Variants in MYRF observed in about 807,000 individuals in gnomAD.
The protein encoded by MYRF is myelin gene regulatory factor.
Under a neutral mutation model 126.3 loss-of-function variants are expected in MYRF, and 16 were observed. The ratio of observed to expected loss-of-function variants is 0.13; its 90% CI spans 0.09 to 0.19. The LOEUF is 0.19. Among genes scored for constraint, MYRF ranks in the 10% least tolerant of loss-of-function variants. MYRF has a pLI of 1.00. For synonymous variants in MYRF, 608 were observed against 635.3 expected, an observed-to-expected ratio of 0.96 and a Z score of 0.65; for missense variants, 1,104 against 1,547.0, an observed-to-expected ratio of 0.71 and a Z score of 4.80.
chr11:61,783,824 G>A lies in MYRF; in HGVS notation c.3120-27G>A. 1.3e-6 allele frequency: 2 copies of A among 1,573,924 alleles called. No homozygotes were observed. Among genetic ancestry groups the A allele is most frequent in the Non-Finnish European group, 1.7e-6 (2 of 1,158,704 alleles). Reference sequence around the variant, plus strand: ...GTGGGGGGTGGCAGGGTACCCTCAGGCTAAGGTGCCAGTTTTGCCCCTGCA... The same window carrying A: ...GTGGGGGGTGGCAGGGTACCCTCAGACTAAGGTGCCAGTTTTGCCCCTGCA... On this transcript the variant is annotated intron_variant, in intron 23 of 26. Coordinates refer to ENST00000278836, the MANE Select transcript of MYRF (RefSeq NM_001127392.3). The surrounding 1 kb of genome is among the most constrained non-coding windows in gnomAD (Gnocchi z 4.6).
chr11:61,782,354 G>A (rs2066575331), intron 22 of MYRF: 1 of 152,868 alleles, frequency 6.5e-6, no homozygotes, highest in African/African-American at 2.4e-5. Context: ...CAACCAGGCA[G>A]CTCTGCTCTC....
chr11:61,752,738 GCGGGA>G lies in MYRF; in HGVS notation c.-5_-1del. On this transcript the variant is annotated 5_prime_UTR_variant, in exon 1 of 27. Coordinates refer to ENST00000278836, the MANE Select transcript of MYRF (RefSeq NM_001127392.3). ...CGCGGCTGGAGTGTGCGCCGGGCAGGCGGGACATGGAGGTGGTGGACGAGACGGAG... is the reference window on the plus strand; with the variant it reads ...CGCGGCTGGAGTGTGCGCCGGGCAGGCATGGAGGTGGTGGACGAGACGGAG... 2 of 1,460,352 alleles carry G rather than the reference GCGGGA, an allele frequency of 1.4e-6. No homozygotes were observed. Among genetic ancestry groups the G allele is most frequent in the Non-Finnish European group, 1.8e-6 (2 of 1,110,896 alleles). 90.5% of individuals were successfully genotyped at this position (1,460,352 alleles called of 1,614,324 possible).
chr11:61,772,074 A>G, intron 7 of MYRF, 122 bp downstream of exon 7: 1 of 1,399,506 alleles, frequency 7.1e-7, no homozygotes, highest in Non-Finnish European at 9.6e-7. Context: ...AAGAGCAAAC[A>G]GGCTCAGGGA....
chr11:61,758,238 C>A (rs2065811731), intron 1 of MYRF, among the ~76,000 whole-genome samples: 1 of 152,132 alleles, frequency 6.6e-6, no homozygotes, highest in Admixed American at 6.5e-5. Flanking sequence ...CTCCAGCTGA[C>A]CGGGGTCCGT....
intron 3 of MYRF, 76 bp from the exon 4 acceptor site, chr11:61,769,184 C>T: frequency 1.2e-6 from 1 of 852,490 alleles, no homozygotes; most frequent in Non-Finnish European, 1.9e-6. Flanking sequence ...GGGACCCTAC[C>T]ACGCAGAGAA....
In MYRF at chr11:61,786,690, G is replaced by A. The variant is rs73487455; in HGVS notation, c.*547G>A. 1.9e-5 allele frequency: 3 copies of A among 154,288 alleles called. No individual in the cohort carries two copies. The highest frequency in any genetic ancestry group is 7.2e-5 in the African/African-American group (3 of 41,442). 9.6% of individuals were successfully genotyped at this position (154,288 alleles called of 1,614,324 possible). A position where few individuals can be genotyped will look rare whatever the true frequency, so the allele number is the denominator to read the frequency against. ...GATGGCTTGGTAGTGGACTTTCTGGGGTTTGCCTGTTACGCCAGACTCGGA... is the reference window on the plus strand; with the variant it reads ...GATGGCTTGGTAGTGGACTTTCTGGAGTTTGCCTGTTACGCCAGACTCGGA... On this transcript the variant is annotated 3_prime_UTR_variant, in exon 27 of 27. Coordinates refer to ENST00000278836, the MANE Select transcript of MYRF (RefSeq NM_001127392.3). The surrounding 1 kb of genome is among the most constrained non-coding windows in gnomAD (Gnocchi z 4.5).
In MYRF at chr11:61,776,674, C is replaced by T. The variant is rs1484638114; in HGVS notation, c.1500-113C>T. On this transcript the variant is annotated intron_variant, in intron 10 of 26. Coordinates refer to ENST00000278836, the MANE Select transcript of MYRF (RefSeq NM_001127392.3). The surrounding 1 kb of genome is among the most constrained non-coding windows in gnomAD (Gnocchi z 4.3). ...GAATTTCTGCCCCCTGGTGGAGGCTCGGGTTCCTCCTCTGTAGGAGGGGGT... is the reference window on the plus strand; with the variant it reads ...GAATTTCTGCCCCCTGGTGGAGGCTTGGGTTCCTCCTCTGTAGGAGGGGGT... 14 of 900,674 alleles carry T rather than the reference C, an allele frequency of 1.6e-5. No individual in the cohort carries two copies. In the East Asian group the frequency reaches 1.9e-4, roughly 12 times the overall value. The allele number at this position is 900,674 out of a possible 1,614,324, so 55.8% of individuals were successfully genotyped here.
intron 25 of MYRF, 174 bp from the exon 26 acceptor site, chr11:61,785,626 G>T: frequency 1.6e-6 from 1 of 625,040 alleles, no homozygotes; most frequent in Non-Finnish European, 2.9e-6. Context: ...TGGAGTAGCT[G>T]CCATTGCTCC....
At position 61,778,691 on chromosome 11, in the gene MYRF, C is replaced by A; in HGVS notation, c.2013+202C>A. 1 of 662,768 alleles carries A rather than the reference C, an allele frequency of 1.5e-6. No individual in the cohort carries two copies. Among genetic ancestry groups the A allele is most frequent in the East Asian group, 2.9e-5 (1 of 34,446 alleles). The allele number at this position is 662,768 out of a possible 1,614,324, so 41.1% of individuals were successfully genotyped here. ...GAGATGAGTGGGTAGGGATTTGGCC[C>A]CTGGAGCCTGTGTGATCAAGGGCAA... On this transcript the variant is annotated intron_variant, in intron 14 of 26. Transcript: ENST00000278836. This position sits in a 1 kb window ranked among gnomAD's most constrained non-coding sequence, Gnocchi z 4.6.
At chr11:61,763,365 C>A (rs2071212) in intron 1 of MYRF, among the ~76,000 whole-genome samples, 4 of 152,044 alleles carry the variant, frequency 2.6e-5, no homozygotes, top group Non-Finnish European at 5.9e-5. Flanking sequence ...CGTCCCTGGC[C>A]TGGTAGGCAG....
At chr11:61,764,194 C>T (rs564933429) in intron 1 of MYRF, among the ~76,000 whole-genome samples, 13 of 152,318 alleles carry the variant, frequency 8.5e-5, no homozygotes, top group East Asian at 3.9e-4. Flanking sequence ...AGGGCTTAGC[C>T]GCTCATTAAT....
At chr11:61,773,176 G>C (rs1423007877) in intron 7 of MYRF, among the ~76,000 whole-genome samples, 1 of 152,098 alleles carries the variant, frequency 6.6e-6, no homozygotes, top group East Asian at 1.9e-4. Flanking sequence ...TTTTAGTAGA[G>C]GCGGGGTTTC....
Position 61,776,318 on chromosome 11 carries a change from G to T in MYRF, c.1389-4G>T. 1 of 1,610,728 alleles carries T rather than the reference G, an allele frequency of 6.2e-7. No homozygotes were observed. Among genetic ancestry groups the T allele is most frequent in the South Asian group, 1.1e-5 (1 of 90,690 alleles). The stretch of plus-strand genomic sequence containing the variant: ...CCCCTGAGCACCCTGCCTCTCCTCT[G>T]CAGGGTCAATCTGCCCCCTGAGCAG... On this transcript the variant is annotated splice_polypyrimidine_tract_variant and splice_region_variant and intron_variant, in intron 9 of 26. Transcript: ENST00000278836. The surrounding 1 kb of genome is among the most constrained non-coding windows in gnomAD (Gnocchi z 4.3).
At chr11:61,785,912 C>T in intron 26 of MYRF, 38 bp downstream of exon 26, 1 of 1,600,572 alleles carries the variant, frequency 6.2e-7, no homozygotes, top group Non-Finnish European at 8.6e-7. Flanking sequence ...GAGGTCTGGG[C>T]ACCCCTGTCT....
intron 3 of MYRF, chr11:61,767,549 G>A: frequency 2.5e-6 from 1 of 405,528 alleles, no homozygotes; most frequent in Non-Finnish European, 4.9e-6. Flanking sequence ...CATGAGGCTG[G>A]GTGTGGTGGC....
At chr11:61,755,480 G>A in intron 1 of MYRF, 1 of 1,605,216 alleles carries the variant, frequency 6.2e-7, no homozygotes, top group Non-Finnish European at 8.5e-7. Flanking sequence ...TTGGACTCCA[G>A]AGCCAGGGCA....
Position 61,752,670 on chromosome 11 carries a change from C to T in MYRF, c.-75C>T, listed in dbSNP as rs1412463410. On this transcript the variant is annotated 5_prime_UTR_variant, in exon 1 of 27. Coordinates refer to ENST00000278836, the MANE Select transcript of MYRF (RefSeq NM_001127392.3). ...GCCCAGCCGGGACTGTCGCGCGGGC[C>T]GCGCCGGCGATGCCGCGCCCCCGGG... 5 of 1,162,122 alleles carry T rather than the reference C, an allele frequency of 4.3e-6. No homozygotes were observed. The highest frequency in any genetic ancestry group is 5.4e-6 in the Non-Finnish European group (5 of 924,900). The allele number at this position is 1,162,122 out of a possible 1,614,324, so 72.0% of individuals were successfully genotyped here. A position where few individuals can be genotyped will look rare whatever the true frequency, so the allele number is the denominator to read the frequency against.
In MYRF at chr11:61,769,164, G is replaced by C. The variant is rs147032262; in HGVS notation, c.399-96G>C. On this transcript the variant is annotated intron_variant, in intron 3 of 26. Transcript: ENST00000278836. ...CGAAACCTCAGTGTCGCCAGCTTCTGGGGGGCTGTGGGACCCTACCACGCA... is the reference window on the plus strand; with the variant it reads ...CGAAACCTCAGTGTCGCCAGCTTCTCGGGGGCTGTGGGACCCTACCACGCA... The C allele has an allele frequency of 1.0e-5, 7 of 696,942 alleles. No individual in the cohort carries two copies. The Admixed American group carries it at 1.5e-4, about 15-fold the overall frequency. 43.2% of individuals were successfully genotyped at this position (696,942 alleles called of 1,614,324 possible). A position where few individuals can be genotyped will look rare whatever the true frequency, so the allele number is the denominator to read the frequency against.
Position 61,766,151 on chromosome 11 carries a change from G to T in MYRF, c.328G>T (p.Ala110Ser). The change falls in exon 3 of 27, where the codon GCC becomes TCC. Residue 110 changes from alanine (A) to serine (S), a missense_variant. Transcript: ENST00000278836. ...NCNNNNGMGA[A>S]PKPFPGGTGP... ...CAACAACAACAACGGCATGGGCGCT[G>T]CCCCCAAGCCCTTCCCGGGGGGCAC... 1 of 1,611,698 alleles carries T rather than the reference G, an allele frequency of 6.2e-7. No individual in the cohort carries two copies.
Sources: gnomAD v4.1 joint callset for allele counts (sites outside exome capture counted in the v4.1 genomes callset) on GRCh38, gnomAD v4.1.1 for gene constraint, Gnocchi (gnomAD v3.1) non-coding constraint, MANE v1.5 for transcripts, NCBI Gene and HGNC (gene_info 2026-07-23, HGNC 2026-07-21) for gene names.